The following POLR3B variants were observed in gnomAD, a reference collection of about 807,000 sequenced individuals.
The protein encoded by POLR3B is RNA polymerase III subunit B.
POLR3B carries 96 observed loss-of-function variants against 147.4 expected under a neutral mutation model. That is an observed-to-expected ratio of 0.65 (90% CI 0.55 to 0.77). The LOEUF (loss-of-function observed/expected upper bound fraction) is 0.77. Among genes scored for constraint, POLR3B ranks in the 30% least tolerant of loss-of-function variants. The pLI, the probability that POLR3B is intolerant of heterozygous loss-of-function variation, is 0.00. For missense variants in POLR3B, 1,036 were observed against 1,413.5 expected, an observed-to-expected ratio of 0.73 and a Z score of 4.28; for synonymous variants, 461 against 485.9, an observed-to-expected ratio of 0.95 and a Z score of 0.67.
rs750409953 is a variant in POLR3B, at chr12:106,430,266, C to T, written c.1264-7C>T. On this transcript the variant is annotated splice_polypyrimidine_tract_variant and splice_region_variant and intron_variant, in intron 13 of 27. Transcript: ENST00000228347. The stretch of plus-strand genomic sequence containing the variant: ...GGAATAGTCTTATGTCTTTCATCTC[C>T]CTACAGGGAAATTGGTCTTTAAAGA... 9 of 1,610,596 alleles carry T rather than the reference C, an allele frequency of 5.6e-6. No homozygotes were observed. In the East Asian group the frequency reaches 1.8e-4, roughly 32 times the overall value.
chr12:106,486,237 C>G (rs2038336519), intron 23 of POLR3B, among the ~76,000 whole-genome samples: 1 of 137,126 alleles, frequency 7.3e-6, no homozygotes, highest in African/African-American at 2.7e-5. Context: ...TGCAGCGAGC[C>G]TAGATTGGGC....
At chr12:106,446,161 G>A in intron 19 of POLR3B, 3 of 449,328 alleles carry the variant, frequency 6.7e-6, no homozygotes, top group Non-Finnish European at 8.9e-6. Flanking sequence ...TCATGAAAGG[G>A]CTATCACTTC....
At chr12:106,467,267 G>T (rs1413786424) in intron 23 of POLR3B, among the ~76,000 whole-genome samples, 1 of 152,150 alleles carries the variant, frequency 6.6e-6, no homozygotes, top group Non-Finnish European at 1.5e-5. Flanking sequence ...TGTTATTGGT[G>T]TATAGGAATG....
intron 6 of POLR3B, among the ~76,000 whole-genome samples, chr12:106,373,288 A>T (rs535254306): frequency 6.6e-6 from 1 of 152,292 alleles, no homozygotes; most frequent in East Asian, 1.9e-4. Context: ...AGAAGTTTAG[A>T]ATTGTTAAAT....
At chr12:106,453,086 A>G (rs1197391004) in intron 19 of POLR3B, among the ~76,000 whole-genome samples, 2 of 141,210 alleles carry the variant, frequency 1.4e-5, no homozygotes, top group East Asian at 2.1e-4. Context: ...GTGTAGTGGT[A>G]TGATCTTAGC....
At chr12:106,489,923 G>A (rs952983448) in intron 23 of POLR3B, among the ~76,000 whole-genome samples, 2 of 152,122 alleles carry the variant, frequency 1.3e-5, no homozygotes, top group Admixed American at 1.3e-4. Context: ...AGGGCTATCC[G>A]TATGAGCCCC....
intron 23 of POLR3B, among the ~76,000 whole-genome samples, chr12:106,470,926 T>C (rs1412821202): frequency 6.6e-6 from 1 of 152,124 alleles, no homozygotes; most frequent in African/African-American, 2.4e-5. Context: ...AGGGACCTAC[T>C]TGAGGAGGCA....
intron 27 of POLR3B, chr12:106,507,758 A>G (rs1462205272): frequency 6.6e-6 from 3 of 456,022 alleles, no homozygotes; most frequent in South Asian, 3.1e-5. Context: ...CTCTGTCTGC[A>G]TAGTTACCAC....
chr12:106,407,743 C>T (rs922039672), intron 11 of POLR3B, among the ~76,000 whole-genome samples: 7 of 152,006 alleles, frequency 4.6e-5, no homozygotes, highest in South Asian at 2.1e-4. Context: ...GCAGGAGAAT[C>T]GCTTGAAACT....
At chr12:106,361,304 T>C (rs145025064) in intron 1 of POLR3B, among the ~76,000 whole-genome samples, 2,387 of 152,258 alleles carry the variant, frequency 0.016, 31 homozygotes, top group Non-Finnish European at 0.019. Flanking sequence ...AGTAGAATTT[T>C]TGTTTTCCTG....
chr12:106,398,227 G>T (rs183366105), intron 10 of POLR3B, among the ~76,000 whole-genome samples: 6 of 152,208 alleles, frequency 3.9e-5, no homozygotes, highest in African/African-American at 1.2e-4. Flanking sequence ...ACGGAGTCTC[G>T]CTCATTGCTA....
chr12:106,476,993 G>A (rs1260258083), intron 23 of POLR3B, among the ~76,000 whole-genome samples: 2 of 150,204 alleles, frequency 1.3e-5, no homozygotes, highest in South Asian at 4.2e-4. Flanking sequence ...CCCCATCTTT[G>A]TGGTTTTATC....
chr12:106,456,033 C>G (rs1331812107), intron 20 of POLR3B, among the ~76,000 whole-genome samples: 1 of 152,150 alleles, frequency 6.6e-6, no homozygotes, highest in African/African-American at 2.4e-5. Flanking sequence ...GCATTTATTT[C>G]ATCAGTAATA....
At chr12:106,448,786 C>CT (rs951728513) in intron 19 of POLR3B, among the ~76,000 whole-genome samples, 1 of 151,662 alleles carries the variant, frequency 6.6e-6, no homozygotes, top group African/African-American at 2.4e-5. Flanking sequence ...ATAATACATA[C>CT]TTTTTTTTGT....
chr12:106,501,248 G>A, intron 25 of POLR3B, 75 bp from the exon 26 acceptor site: 1 of 867,368 alleles, frequency 1.2e-6, no homozygotes, highest in Non-Finnish European at 2.0e-6. Context: ...GGACCTGCCA[G>A]TGATGGGTCC....
chr12:106,471,688 A>C (rs1051914996), intron 23 of POLR3B, among the ~76,000 whole-genome samples: 1 of 152,108 alleles, frequency 6.6e-6, no homozygotes, highest in African/African-American at 2.4e-5. Context: ...CTTAGCAGAC[A>C]CTTAATAGAT....
At position 106,357,964 on chromosome 12, in the gene POLR3B, C is replaced by T. The variant is rs981936853; in HGVS notation, c.72+13C>T. ...CCCGACTGTAGAGGTCAGTGCCAGG[C>T]ACGCAGGGAGCGTCAGGGACAAGGA... On this transcript the variant is annotated intron_variant, in intron 1 of 27. Transcript: ENST00000228347. The T allele has an allele frequency of 1.9e-6, 3 of 1,611,768 alleles. No individual in the cohort carries two copies. The South Asian group carries it at 3.3e-5, about 18-fold the overall frequency.
At chr12:106,471,932 T>G (rs1592760684) in intron 23 of POLR3B, among the ~76,000 whole-genome samples, 1 of 150,706 alleles carries the variant, frequency 6.6e-6, no homozygotes, top group Non-Finnish European at 1.5e-5. Context: ...TACATATGTA[T>G]ACATGTGCCA....
rs1374302001 is a variant in POLR3B, at chr12:106,504,934, G to C, written c.3272+680G>C. Reference sequence around the variant, plus strand: ...CTGCTCCCAAGGAGCTTATCTTCTAGTTCATTCTGATTGCATCCTGTCATG... The same window carrying C: ...CTGCTCCCAAGGAGCTTATCTTCTACTTCATTCTGATTGCATCCTGTCATG... On this transcript the variant is annotated intron_variant, in intron 27 of 27. Transcript: ENST00000228347. This position sits in a 1 kb window ranked among gnomAD's most constrained non-coding sequence, Gnocchi z 4.6. Among the ~76,000 whole-genome samples the C allele has an allele frequency of 6.6e-6, 1 of 152,178 alleles. No individual in the cohort carries two copies. The highest frequency in any genetic ancestry group is 1.5e-5 in the Non-Finnish European group (1 of 68,032).
Sources: allele counts gnomAD v4.1 joint callset (sites outside exome capture counted in the v4.1 genomes callset), GRCh38; gene constraint gnomAD v4.1.1; non-coding constraint Gnocchi (gnomAD v3.1); transcripts MANE v1.5; gene names NCBI Gene and HGNC (gene_info 2026-07-23, HGNC 2026-07-21).